ZC3H4: variants seen among roughly 807,000 people sequenced by gnomAD.
ZC3H4 encodes the protein zinc finger CCCH domain-containing protein 4.
ZC3H4 carries 13 observed loss-of-function variants against 108.3 expected under a neutral mutation model. The observed-to-expected ratio is 0.12, with a 90% CI of 0.08 to 0.19. ZC3H4 has a LOEUF of 0.19. Among genes scored for constraint, ZC3H4 ranks in the 10% least tolerant of loss-of-function variants. ZC3H4 has a pLI of 1.00. For synonymous variants in ZC3H4, 917 were observed against 749.6 expected (o/e 1.22, Z -3.65); for missense variants, 1,734 against 1,838.8 (o/e 0.94, Z 1.04).
At chr19:47,111,940 G>A (rs2058044659) in intron 2 of ZC3H4, among the ~76,000 whole-genome samples, 1 of 152,146 alleles carries the variant, frequency 6.6e-6, no homozygotes, top group Non-Finnish European at 1.5e-5. Flanking sequence ...TAAGAGCGGG[G>A]CTGTTGTTCG....
Position 47,090,109 on chromosome 19 carries a change from G to A in ZC3H4, c.573C>T (p.Gly191=), listed in dbSNP as rs773802071. ...AYSKMDSKSY[G]MYEDYENEQY... ...GCTCATTCTCGTAGTCCTCGTACAT[G>A]CCATAACTCTTGCTGTCCATCTTGG... The change falls in exon 5 of 15, where the codon GGC becomes GGT. Residue 191 remains glycine, a synonymous_variant. Coordinates refer to ENST00000253048, the MANE Select transcript of ZC3H4 (RefSeq NM_015168.2). 1 of 1,614,168 alleles carries A rather than the reference G, an allele frequency of 6.2e-7. No individual in the cohort carries two copies. The highest frequency in any genetic ancestry group is 8.5e-7 in the Non-Finnish European group (1 of 1,180,024).
chr19:47,069,637 A>G (rs2057290707), intron 13 of ZC3H4, among the ~76,000 whole-genome samples: 1 of 152,242 alleles, frequency 6.6e-6, no homozygotes. Flanking sequence ...AGCTTTGAAA[A>G]GACACACAGA....
chr19:47,070,275 A>G (rs534660594), intron 13 of ZC3H4, among the ~76,000 whole-genome samples: 1 of 152,174 alleles, frequency 6.6e-6, no homozygotes, highest in Non-Finnish European at 1.5e-5. Flanking sequence ...AGAAAAGTGC[A>G]CTTGTAACTT....
At position 47,085,378 on chromosome 19, in the gene ZC3H4, A is replaced by T. The variant is rs2057601100; in HGVS notation, c.907T>A (p.Tyr303Asn). 16 of 1,601,624 alleles carry T rather than the reference A, an allele frequency of 1.0e-5. No individual in the cohort carries two copies. The highest frequency in any genetic ancestry group is 1.3e-5 in the Non-Finnish European group (15 of 1,174,120). The change falls in exon 7 of 15, where the codon TAT (tyrosine) becomes AAT (asparagine). Residue 303 changes from tyrosine to asparagine, a missense_variant. Transcript: ENST00000253048. Reference protein sequence around the residue: ...ESEEPMGDDDYDEYSKELNQY... With the variant: ...ESEEPMGDDDNDEYSKELNQY... ...TTCAGCTCCTTGGAGTACTCGTCAT[A>T]GTCGTCGTCTCCCATTGGCTCCTCA...
chr19:47,081,663 G>GC (rs1259524449), intron 10 of ZC3H4, 41 bp from the exon 11 acceptor site: 5 of 1,535,904 alleles, frequency 3.3e-6, no homozygotes, highest in Admixed American at 1.7e-5. Context: ...CTCACAGAAC[G>GC]CCCCCCTCCC....
intron 11 of ZC3H4, among the ~76,000 whole-genome samples, chr19:47,078,549 G>A (rs762638854): frequency 5.3e-5 from 8 of 151,776 alleles, no homozygotes; most frequent in Admixed American, 1.3e-4. Context: ...TTGGGAGGCC[G>A]GGGCGGGTGG....
intron 2 of ZC3H4, among the ~76,000 whole-genome samples, chr19:47,110,282 T>C (rs2058021311): frequency 6.6e-6 from 1 of 152,170 alleles, no homozygotes; most frequent in African/African-American, 2.4e-5. Context: ...GCTTGTCTCC[T>C]ACAAATGGAC....
chr19:47,081,473 A>G (rs369946447), intron 11 of ZC3H4, 40 bp downstream of exon 11: 111 of 1,518,336 alleles, frequency 7.3e-5, no homozygotes, highest in Non-Finnish European at 9.8e-5. Context: ...CGCATGTCCC[A>G]GTTCCTGTAG....
chr19:47,092,995 T>C (rs896415425), intron 4 of ZC3H4, among the ~76,000 whole-genome samples: 3 of 151,776 alleles, frequency 2.0e-5, no homozygotes, highest in Non-Finnish European at 2.9e-5. Context: ...GGCAGGCGGA[T>C]CACGAGGTCA....
Position 47,081,491 on chromosome 19 carries a change from C to T in ZC3H4, c.1440+22G>A, listed in dbSNP as rs1474404451. 7 of 1,605,206 alleles carry T rather than the reference C, an allele frequency of 4.4e-6. No individual in the cohort carries two copies. The African/African-American group carries it at 5.4e-5, about 12-fold the overall frequency. On this transcript the variant is annotated intron_variant, in intron 11 of 14. Coordinates refer to ENST00000253048, the MANE Select transcript of ZC3H4 (RefSeq NM_015168.2). ...ATGTCCCAGTTCCTGTAGCCGGGGG[C>T]CCCGTTACCCCCGGACATTACCTTA...
chr19:47,084,307 T>C, intron 9 of ZC3H4, 38 bp downstream of exon 9: 5 of 1,595,580 alleles, frequency 3.1e-6, no homozygotes, highest in African/African-American at 1.3e-5. Context: ...CTGGGGGCTA[T>C]GGCCTCCTAG....
chr19:47,084,943 T>TG, intron 8 of ZC3H4, 113 bp downstream of exon 8: 4 of 1,431,654 alleles, frequency 2.8e-6, no homozygotes, highest in Admixed American at 1.8e-5. Flanking sequence ...GCCAGCCCTT[T>TG]GGGGGGTGGC....
chr19:47,107,525 CAG>C (rs898848378), intron 2 of ZC3H4, among the ~76,000 whole-genome samples: 1 of 152,040 alleles, frequency 6.6e-6, no homozygotes, highest in African/African-American at 2.4e-5. Flanking sequence ...GCCTGACAAA[CAG>C]GGCACTGAGT....
In ZC3H4 at chr19:47,078,570, G is replaced by C. The variant is rs551339274; in HGVS notation, c.1440+2943C>G. ...GGCCGGGGCGGGTGGATCACCTGTC[G>C]AGGTGGGTGGATCAGGAATTCGAGA... On this transcript the variant is annotated intron_variant, in intron 11 of 14. Transcript: ENST00000253048. 1.9e-4 allele frequency among the ~76,000 whole-genome samples: 29 copies of C among 152,080 alleles called. 1 individual carries two copies. The highest frequency in any genetic ancestry group is 1.6e-3 in the Admixed American group (25 of 15,268).
chr19:47,105,362 A>G (rs969414139), intron 2 of ZC3H4, among the ~76,000 whole-genome samples: 11 of 152,158 alleles, frequency 7.2e-5, no homozygotes, highest in Non-Finnish European at 1.2e-4. Flanking sequence ...TCACTTTGGG[A>G]GGCCAAGGAG....
At chr19:47,085,457 A>C in intron 6 of ZC3H4, 43 bp from the exon 7 acceptor site, 1 of 1,488,898 alleles carries the variant, frequency 6.7e-7, no homozygotes, top group East Asian at 2.3e-5. Flanking sequence ...TCAGGTAGGG[A>C]ACAATGAACA....
At chr19:47,081,665 C>A in intron 10 of ZC3H4, 43 bp from the exon 11 acceptor site, 1 of 1,529,282 alleles carries the variant, frequency 6.5e-7, no homozygotes, top group Non-Finnish European at 9.1e-7. Context: ...CACAGAACGC[C>A]CCCCTCCCCC....
Position 47,103,417 on chromosome 19 carries a change from C to T in ZC3H4, c.162-8809G>A, listed in dbSNP as rs200716961. On this transcript the variant is annotated intron_variant, in intron 2 of 14. Coordinates refer to ENST00000253048, the MANE Select transcript of ZC3H4 (RefSeq NM_015168.2). ...CTCCTGGGCTCAAGCAATCTTCCCA[C>T]GTCAGCCTCCCAAGTAGATGGGACT... Among the ~76,000 whole-genome samples the T allele has an allele frequency of 2.8e-4, 42 of 152,292 alleles. No homozygotes were observed. The East Asian group carries it at 7.7e-3, about 28-fold the overall frequency.
In ZC3H4 at chr19:47,071,957, G is replaced by A; in HGVS notation, c.1967C>T (p.Pro656Leu). Reference sequence around the variant, plus strand: ...CATGGGTGGGCCAGGATTCATGCCAGGGCCCATCGGCATGTCTGCGTGCAT... The same window carrying A: ...CATGGGTGGGCCAGGATTCATGCCAAGGCCCATCGGCATGTCTGCGTGCAT... ...ADMHADMPMGPGMNPGPPMGP... is the reference protein window; with the variant it reads ...ADMHADMPMGLGMNPGPPMGP... The change falls in exon 13 of 15, where the codon CCT becomes CTT. Residue 656 changes from proline (P) to leucine (L), a missense_variant. Coordinates refer to ENST00000253048, the MANE Select transcript of ZC3H4 (RefSeq NM_015168.2). The A allele has an allele frequency of 1.2e-6, 2 of 1,612,936 alleles. No individual in the cohort carries two copies. Among genetic ancestry groups the A allele is most frequent in the Non-Finnish European group, 1.7e-6 (2 of 1,179,482 alleles).
Sources: allele counts gnomAD v4.1 joint callset (sites outside exome capture counted in the v4.1 genomes callset), GRCh38; gene constraint gnomAD v4.1.1; transcripts MANE v1.5; gene names NCBI Gene and HGNC (gene_info 2026-07-23, HGNC 2026-07-21).